ADGRL2: variants seen among roughly 807,000 people sequenced by gnomAD.
The protein encoded by ADGRL2 is adhesion G protein-coupled receptor L2, also known as calcium-independent alpha-latrotoxin receptor 2.
A neutral mutation model predicts 157.4 loss-of-function variants in ADGRL2; 44 were observed. The observed-to-expected ratio is 0.28, with a 90% CI of 0.22 to 0.36. The LOEUF (loss-of-function observed/expected upper bound fraction) is 0.36, where lower values mean the gene tolerates loss of function less well. Ranked by LOEUF, ADGRL2 falls within the 10% of genes least tolerant of loss-of-function variation. The probability of loss-of-function intolerance (pLI) is 1.00; values close to 1 mark genes in which losing one functional copy is unlikely to be tolerated. For synonymous variants in ADGRL2, 585 were observed against 624.7 expected (o/e 0.94, Z 0.95); for missense variants, 1,510 against 1,768.9 (o/e 0.85, Z 2.63).
intron 1 of ADGRL2, among the ~76,000 whole-genome samples, chr1:81,414,710 A>C (rs553877732): frequency 1.3e-5 from 2 of 152,294 alleles, no homozygotes; most frequent in East Asian, 3.9e-4. Flanking sequence ...TGTTTCTGGC[A>C]CTGTTTAACA....
At chr1:81,895,087 G>A (rs558788366) in intron 2 of ADGRL2, among the ~76,000 whole-genome samples, 19 of 152,242 alleles carry the variant, frequency 1.2e-4, no homozygotes, top group Non-Finnish European at 2.1e-4. Flanking sequence ...TCCTTTCTAA[G>A]ACACTTGCTT....
intron 2 of ADGRL2, among the ~76,000 whole-genome samples, chr1:81,793,714 T>G (rs1160972825): frequency 1.3e-5 from 2 of 152,056 alleles, no homozygotes; most frequent in Admixed American, 6.6e-5. Flanking sequence ...TATAAGCAAA[T>G]AGGCGAGCAT....
intron 2 of ADGRL2, chr1:81,502,686 T>C: frequency 1.2e-6 from 2 of 1,613,272 alleles, no homozygotes; most frequent in South Asian, 1.1e-5. Flanking sequence ...AGTATCTGTA[T>C]GCCTATGAGT....
At chr1:81,835,564 C>T (rs1483558401) in intron 1 of ADGRL2, among the ~76,000 whole-genome samples, 7 of 152,076 alleles carry the variant, frequency 4.6e-5, no homozygotes, top group South Asian at 4.1e-4. Flanking sequence ...TGCAGGGATG[C>T]GTGCCATGTG....
chr1:81,689,207 A>G (rs778405613), intron 3 of ADGRL2, among the ~76,000 whole-genome samples: 8 of 152,258 alleles, frequency 5.3e-5, no homozygotes, highest in Non-Finnish European at 1.2e-4. Context: ...TGCCTGACTT[A>G]GGAAAGTTTA....
At chr1:81,603,718 G>C (rs920063341) in intron 3 of ADGRL2, among the ~76,000 whole-genome samples, 1 of 152,036 alleles carries the variant, frequency 6.6e-6, no homozygotes, top group African/African-American at 2.4e-5. Flanking sequence ...TTACCAACAT[G>C]TGACTATTTG....
chr1:81,368,506 C>G (rs183872701), intron 1 of ADGRL2, among the ~76,000 whole-genome samples: 1 of 152,258 alleles, frequency 6.6e-6, no homozygotes, highest in East Asian at 1.9e-4. Flanking sequence ...TTGCCTCATT[C>G]ATATTTGCCA....
intron 1 of ADGRL2, among the ~76,000 whole-genome samples, chr1:81,336,055 G>C (rs1661621609): frequency 6.6e-6 from 1 of 152,122 alleles, no homozygotes; most frequent in Admixed American, 6.6e-5. Flanking sequence ...TGTAAGACAA[G>C]GGAGATTATT....
rs184325083 is a variant in ADGRL2, at chr1:81,724,552, C to G, written c.-143+24744C>G. 2.4e-3 allele frequency among the ~76,000 whole-genome samples: 371 copies of G among 152,174 alleles called. 1 individual carries two copies. The highest frequency in any genetic ancestry group is 8.8e-3 in the African/African-American group (364 of 41,540). On this transcript the variant is annotated intron_variant, in intron 1 of 20. Transcript: ENST00000359929. ...TCCGCTTGCTTTCTTTCCCTCCCCT[C>G]CAATGATAAAGAAAATGATAAATTT...
chr1:81,802,806 A>G (rs1235661268), intron 1 of ADGRL2, among the ~76,000 whole-genome samples: 1 of 151,936 alleles, frequency 6.6e-6, no homozygotes, highest in Non-Finnish European at 1.5e-5. Context: ...GAGGGCTTGG[A>G]CGAGTTTTTG....
At chr1:81,933,509 CG>C (rs1022852223) in intron 3 of ADGRL2, among the ~76,000 whole-genome samples, 4 of 152,178 alleles carry the variant, frequency 2.6e-5, no homozygotes, top group Non-Finnish European at 5.9e-5. Context: ...TCTACCTTTT[CG>C]CTTTCATTAG....
At chr1:81,576,623 T>G (rs946469463) in intron 2 of ADGRL2, among the ~76,000 whole-genome samples, 8 of 152,134 alleles carry the variant, frequency 5.3e-5, no homozygotes, top group African/African-American at 1.9e-4. Context: ...GTGGAATGTT[T>G]AGTTCGGCGC....
intron 1 of ADGRL2, chr1:81,722,271 C>G: frequency 2.3e-6 from 1 of 440,590 alleles, no homozygotes; most frequent in Non-Finnish European, 4.2e-6. Flanking sequence ...CCAGCCTGGG[C>G]GACAGAGCGA....
intron 2 of ADGRL2, among the ~76,000 whole-genome samples, chr1:81,861,138 A>G (rs550199524): frequency 1.3e-5 from 2 of 150,904 alleles, no homozygotes; most frequent in East Asian, 3.9e-4. Flanking sequence ...CTCCTGCCTC[A>G]GCCTCCCAAG....
At chr1:81,608,572 C>A (rs1405121389) in intron 3 of ADGRL2, among the ~76,000 whole-genome samples, 1 of 152,122 alleles carries the variant, frequency 6.6e-6, no homozygotes, top group East Asian at 1.9e-4. Context: ...CTTTAATATG[C>A]TCATGCTGAT....
At chr1:81,405,344 G>A (rs1570873543) in intron 1 of ADGRL2, among the ~76,000 whole-genome samples, 1 of 152,108 alleles carries the variant, frequency 6.6e-6, no homozygotes, top group African/African-American at 2.4e-5. Flanking sequence ...CATATTCAGA[G>A]AACTGAATAC....
At chr1:81,862,816 G>C (rs999976590) in intron 2 of ADGRL2, among the ~76,000 whole-genome samples, 1 of 152,078 alleles carries the variant, frequency 6.6e-6, no homozygotes, top group South Asian at 2.1e-4. Flanking sequence ...ATAACTGTTG[G>C]AGGAGTGAAT....
rs572854925 is a variant in ADGRL2, at chr1:81,864,324, C to T, written c.73+27267C>T. Among the ~76,000 whole-genome samples, 10 of 151,628 alleles carry T rather than the reference C, an allele frequency of 6.6e-5. No homozygotes were observed. In the South Asian group the frequency reaches 2.1e-3, roughly 32 times the overall value. On this transcript the variant is annotated intron_variant, in intron 2 of 23. Coordinates refer to ENST00000686636, the MANE Select transcript of ADGRL2 (RefSeq NM_001366006.2). ...TGAAGTCAGCATATATATCAGTTGG[C>T]AAATACGTATATATTTAGTGAGGAC...
At chr1:81,310,164 G>A (rs184594031) in intron 1 of ADGRL2, among the ~76,000 whole-genome samples, 22 of 152,162 alleles carry the variant, frequency 1.4e-4, no homozygotes, top group East Asian at 1.2e-3. Context: ...ATGTTTAAAC[G>A]GTCTGACGGT....
Sources: gnomAD v4.1 joint callset for allele counts (sites outside exome capture counted in the v4.1 genomes callset) on GRCh38, gnomAD v4.1.1 for gene constraint, MANE v1.5 for transcripts, NCBI Gene and HGNC (gene_info 2026-07-23, HGNC 2026-07-21) for gene names.